Variants in MX2 observed in about 807,000 individuals in gnomAD.
MX2 encodes interferon-induced GTP-binding protein Mx2.
MX2 carries 51 observed loss-of-function variants against 74.0 expected under a neutral mutation model. The ratio of observed to expected loss-of-function variants is 0.69; its 90% CI spans 0.55 to 0.87. The LOEUF is 0.87. Among genes scored for constraint, MX2 ranks in the 40% least tolerant of loss-of-function variants. The pLI, the probability that MX2 is intolerant of heterozygous loss-of-function variation, is 0.00. For missense variants in MX2, 832 were observed against 908.7 expected (o/e 0.92, Z 1.09); for synonymous variants, 369 against 339.3 (o/e 1.09, Z -0.96).
rs757712215 is a variant in MX2 at position 41,376,961 on chromosome 21, C to T, written c.55C>T (p.Arg19Ter). The change falls in exon 2 of 14, where the codon CGA becomes TGA. Residue 19 changes from arginine (R) to a stop codon, truncating the protein, a stop_gained. Transcript: ENST00000330714. LOFTEE classifies it high-confidence loss of function. Reference sequence around the variant, plus strand: ...CCGGAGGAGAAGTCAATTTTCTTCTCGAAAATACCTGAAAAAAGAAATGAA... The same window carrying T: ...CCGGAGGAGAAGTCAATTTTCTTCTTGAAAATACCTGAAAAAAGAAATGAA... ...PYRRRSQFSSRKYLKKEMNSF... is the reference protein window; with the variant it reads ...PYRRRSQFSS The T allele has an allele frequency of 1.1e-5, 17 of 1,613,920 alleles. No homozygotes were observed. The highest frequency in any genetic ancestry group is 4.0e-5 in the African/African-American group (3 of 74,916).
intron 10 of MX2, chr21:41,400,996 T>C (rs2089805368): frequency 6.6e-6 from 1 of 152,240 alleles, no homozygotes; most frequent in East Asian, 1.9e-4. Flanking sequence ...CATGAGCCAC[T>C]GCTCCCAGCC....
At chr21:41,393,246 C>T (rs1398361760) in intron 6 of MX2, among the ~76,000 whole-genome samples, 1 of 151,154 alleles carries the variant, frequency 6.6e-6, no homozygotes, top group Non-Finnish European at 1.5e-5. Flanking sequence ...TATCAAGTTT[C>T]AAAAAGAACA....
chr21:41,363,104 A>G lies in MX2; in HGVS notation c.-72+1049A>G, dbSNP rs1365635397. 6.6e-6 allele frequency among the ~76,000 whole-genome samples: 1 copy of G among 152,034 alleles called. No homozygotes were observed. The highest frequency in any genetic ancestry group is 1.9e-4 in the East Asian group (1 of 5,188). The stretch of plus-strand genomic sequence containing the variant: ...CTGTTCTTTCTCATTTTGTGTTTAG[A>G]ATGTTGTCTCTAGCTGTTTAAAAAG... On this transcript the variant is annotated intron_variant, in intron 1 of 13. Coordinates refer to ENST00000330714, the MANE Select transcript of MX2 (RefSeq NM_002463.2). This position sits in a 1 kb window ranked among gnomAD's most constrained non-coding sequence, Gnocchi z 4.2.
At chr21:41,399,558 G>C in intron 10 of MX2, 1 of 450,286 alleles carries the variant, frequency 2.2e-6, no homozygotes, top group East Asian at 3.7e-5. Context: ...TGATGTCCTC[G>C]TGTCTTGATT....
rs1200546253 is a variant in MX2, at chr21:41,377,861, C to A, written c.322C>A (p.Arg108=). The part of the protein sequence containing the change: ...RPCIDLIDSL[R]ALGVEQDLAL... ...CTGCATTGACCTCATCGACTCCCTG[C>A]GGGCTCTGGGTGTGGAGCAGGACCT... is the stretch of plus-strand genomic sequence containing the variant. The change falls in exon 3 of 14, where the codon CGG becomes AGG. Residue 108 remains arginine, a synonymous_variant. Transcript: ENST00000330714. 5 of 1,614,096 alleles carry A rather than the reference C, an allele frequency of 3.1e-6. No individual in the cohort carries two copies. Among genetic ancestry groups the A allele is most frequent in the Non-Finnish European group, 4.2e-6 (5 of 1,180,042 alleles).
Position 41,408,514 on chromosome 21 carries a change from G to A in MX2, c.*281G>A, listed in dbSNP as rs562372812. ...TCCTAAGATACTGCTATCATTCTTC[G>A]CTAATTTGTATTTGTATTCCCTTCC... On this transcript the variant is annotated 3_prime_UTR_variant, in exon 14 of 14. Transcript: ENST00000330714. The A allele has an allele frequency of 2.0e-4, 79 of 386,880 alleles. No homozygotes were observed. Among genetic ancestry groups the A allele is most frequent in the African/African-American group, 1.4e-3 (68 of 48,778 alleles). 24.0% of individuals were successfully genotyped at this position (386,880 alleles called of 1,614,324 possible).
chr21:41,374,453 G>A (rs545803805), intron 1 of MX2, among the ~76,000 whole-genome samples: 8 of 152,370 alleles, frequency 5.3e-5, no homozygotes, highest in Admixed American at 4.6e-4. Flanking sequence ...CAGGAGTAGG[G>A]TCTGGGCTGG....
chr21:41,387,506 G>A (rs778076309), intron 5 of MX2, among the ~76,000 whole-genome samples: 4 of 152,038 alleles, frequency 2.6e-5, no homozygotes, highest in African/African-American at 4.8e-5. Context: ...AGTCTTCTTC[G>A]CTGGCATCTG....
chr21:41,393,296 C>T (rs1056487559), intron 6 of MX2, among the ~76,000 whole-genome samples: 2 of 152,102 alleles, frequency 1.3e-5, no homozygotes, highest in Non-Finnish European at 2.9e-5. Flanking sequence ...GCTGGTTCCC[C>T]ACCTGTCCAT....
At chr21:41,384,848 A>AG (rs1354818493) in intron 5 of MX2, among the ~76,000 whole-genome samples, 1 of 151,980 alleles carries the variant, frequency 6.6e-6, no homozygotes, top group Non-Finnish European at 1.5e-5. Context: ...CAAAAAAAAA[A>AG]AAAAAGAATT....
intron 1 of MX2, chr21:41,364,232 G>A (rs1340637091): frequency 6.6e-6 from 1 of 152,346 alleles, no homozygotes; most frequent in Non-Finnish European, 1.5e-5. Context: ...TTCCTCTCCA[G>A]TGATGCGCCT....
chr21:41,407,895 A>T lies in MX2; in HGVS notation c.1906-96A>T, dbSNP rs2089907592. 3 of 1,522,888 alleles carry T rather than the reference A, an allele frequency of 2.0e-6. No individual in the cohort carries two copies. The East Asian group carries it at 6.8e-5, about 34-fold the overall frequency. 94.3% of individuals were successfully genotyped at this position (1,522,888 alleles called of 1,614,324 possible). A position where few individuals can be genotyped will look rare whatever the true frequency, so the allele number is the denominator to read the frequency against. On this transcript the variant is annotated intron_variant, in intron 13 of 13. Coordinates refer to ENST00000330714, the MANE Select transcript of MX2 (RefSeq NM_002463.2). ...GAGACCACCAGGGCTTCGCCAGGCAACCATGTGCGCATCCAGGAACTCCAT... is the reference window on the plus strand; with the variant it reads ...GAGACCACCAGGGCTTCGCCAGGCATCCATGTGCGCATCCAGGAACTCCAT...
chr21:41,371,999 G>C (rs1002682399), intron 1 of MX2, among the ~76,000 whole-genome samples: 1 of 152,194 alleles, frequency 6.6e-6, no homozygotes, highest in African/African-American at 2.4e-5. Flanking sequence ...CGAACACCGA[G>C]GGTGATTCAG....
intron 10 of MX2, chr21:41,399,579 T>G (rs1432988266): frequency 2.5e-6 from 1 of 404,278 alleles, no homozygotes; most frequent in Non-Finnish European, 4.5e-6. Flanking sequence ...TTGTTTTGTT[T>G]TGTTGAGACA....
rs952851602 is a variant in MX2 at position 41,366,769 on chromosome 21, G to A, written c.-72+4714G>A. On this transcript the variant is annotated intron_variant, in intron 1 of 13. Transcript: ENST00000330714. This position sits in a 1 kb window ranked among gnomAD's most constrained non-coding sequence, Gnocchi z 4.5. ...CTATCTTATCAGGAACCAGTTCTAG[G>A]TTCCTAACCTGGTCTGACCCCGGCA... The A allele has an allele frequency of 6.6e-6, 1 of 152,172 alleles. No individual in the cohort carries two copies. The highest frequency in any genetic ancestry group is 2.4e-5 in the African/African-American group (1 of 41,368). 9.4% of individuals were successfully genotyped at this position (152,172 alleles called of 1,614,324 possible). A position where few individuals can be genotyped will look rare whatever the true frequency, so the allele number is the denominator to read the frequency against.
chr21:41,370,645 T>C (rs73368400), intron 1 of MX2: 1 of 152,330 alleles, frequency 6.6e-6, no homozygotes, highest in African/African-American at 2.4e-5. Flanking sequence ...TCATGAGAAA[T>C]GTAAGTATGT....
chr21:41,362,762 T>TCTTTTTTTTTTTTTTC (rs367623128), intron 1 of MX2, among the ~76,000 whole-genome samples: 1 of 125,242 alleles, frequency 8.0e-6, no homozygotes, highest in Non-Finnish European at 1.6e-5. Flanking sequence ...TTTTTTTTTT[T>TCTTTTTTTTTTTTTTC]TTTTTTTTTT....
intron 10 of MX2, among the ~76,000 whole-genome samples, chr21:41,400,203 G>A (rs945924483): frequency 8.5e-5 from 13 of 152,198 alleles, no homozygotes; most frequent in African/African-American, 3.1e-4. Context: ...ATGGGTGCCA[G>A]GGGACCAGGG....
intron 1 of MX2, among the ~76,000 whole-genome samples, chr21:41,362,283 G>C (rs1307282752): frequency 3.9e-5 from 6 of 152,188 alleles, no homozygotes. Context: ...GAGGGGAAGT[G>C]GCTGGCCCTG....
Sources: gnomAD v4.1 joint callset for allele counts (sites outside exome capture counted in the v4.1 genomes callset) on GRCh38, gnomAD v4.1.1 for gene constraint, Gnocchi (gnomAD v3.1) non-coding constraint, MANE v1.5 for transcripts, NCBI Gene and HGNC (gene_info 2026-07-23, HGNC 2026-07-21) for gene names.